CLDN15: variants seen among roughly 807,000 people sequenced by gnomAD.
The protein encoded by CLDN15 is claudin 15.
Under a neutral mutation model 24.5 loss-of-function variants are expected in CLDN15, and 9 were observed. The observed-to-expected ratio is 0.37, with a 90% CI of 0.22 to 0.64. The LOEUF (loss-of-function observed/expected upper bound fraction) is 0.64, where lower values mean the gene tolerates loss of function less well. Among genes scored for constraint, CLDN15 ranks in the 30% least tolerant of loss-of-function variants. The pLI is 0.63. For missense variants in CLDN15, 248 were observed against 305.9 expected (o/e 0.81, Z 1.41); for synonymous variants, 149 against 131.4 (o/e 1.13, Z -0.92).
At chr7:101,232,538 G>C (rs1276139567) in intron 4 of CLDN15, 23 bp from the exon 5 acceptor site, 2 of 1,601,572 alleles carry the variant, frequency 1.2e-6, no homozygotes, top group East Asian at 2.2e-5. Context: ...CCCGGGGTCA[G>C]AGCGGGGGCG....
intron 1 of CLDN15, chr7:101,236,710 G>T (rs1308096495): frequency 7.8e-7 from 1 of 1,288,686 alleles, no homozygotes; most frequent in Non-Finnish European, 1.0e-6. Flanking sequence ...AGCCCTCTAA[G>T]ACCCCAGAAA....
At position 101,232,329 on chromosome 7, in the gene CLDN15, TTAC is replaced by T; in HGVS notation, c.*78_*80del. 1.0e-6 allele frequency: 1 copy of T among 996,290 alleles called. No homozygotes were observed. The highest frequency in any genetic ancestry group is 1.5e-5 in the South Asian group (1 of 66,146). The allele number at this position is 996,290 out of a possible 1,614,324, so 61.7% of individuals were successfully genotyped here. The stretch of plus-strand genomic sequence containing the variant: ...AGCGGGGCGTGGCCGGCCCCTGAGG[TTAC>T]TATAGGGGAATGGGCCCCGGCCAGG... On this transcript the variant is annotated 3_prime_UTR_variant, in exon 5 of 5. Transcript: ENST00000308344.
chr7:101,234,055 TG>T, intron 2 of CLDN15: 1 of 697,400 alleles, frequency 1.4e-6, no homozygotes, highest in South Asian at 1.5e-5. Flanking sequence ...CACCTGGCCG[TG>T]GCCAGCCCCT....
intron 1 of CLDN15, chr7:101,236,616 G>T: frequency 1.7e-6 from 1 of 595,652 alleles, no homozygotes. Context: ...CAATGGGGCG[G>T]CCTCATCTTA....
rs573622479 is a variant in CLDN15 at position 101,234,534 on chromosome 7, C to T, written c.218-92G>A. 9.1e-5 allele frequency: 80 copies of T among 883,040 alleles called. 1 individual carries two copies. The African/African-American group carries it at 1.1e-3, about 12-fold the overall frequency. The allele number at this position is 883,040 out of a possible 1,614,324, so 54.7% of individuals were successfully genotyped here. On this transcript the variant is annotated intron_variant, in intron 1 of 4. Transcript: ENST00000308344. ...CTCACCATCCCAGGTTCAAGTGATT[C>T]TCCTGCCTCAGCCTCCCCAGTAGCT...
At chr7:101,237,921 G>T (rs908618737), upstream of CLDN15, 58 of 347,468 alleles carry the variant, frequency 1.7e-4, no homozygotes, top group South Asian at 1.0e-3. This position sits in a 1 kb window ranked among gnomAD's most constrained non-coding sequence, Gnocchi z 4.0. Context: ...CCACGAGGGT[G>T]GGGGGGGCAG....
intron 2 of CLDN15, 121 bp from the exon 3 acceptor site, chr7:101,233,035 C>T (rs1250562393): frequency 1.5e-6 from 1 of 689,508 alleles, no homozygotes; most frequent in Non-Finnish European, 2.6e-6. Context: ...CCCAGAGCAG[C>T]AATTTCACTC....
chr7:101,235,814 C>T (rs1316411707), intron 1 of CLDN15, among the ~76,000 whole-genome samples: 1 of 152,064 alleles, frequency 6.6e-6, no homozygotes, highest in African/African-American at 2.4e-5. Context: ...ATGGAAGAGC[C>T]CAGGGGCACA....
intron 1 of CLDN15, chr7:101,236,836 G>T: frequency 7.8e-7 from 1 of 1,289,930 alleles, no homozygotes; most frequent in South Asian, 1.2e-5. Context: ...GACATCAGCC[G>T]GACAAGGAGA....
chr7:101,237,329 C>A lies in CLDN15; in HGVS notation c.217+36G>T, dbSNP rs369358660. On this transcript the variant is annotated intron_variant, in intron 1 of 4. Transcript: ENST00000308344. The surrounding 1 kb of genome is among the most constrained non-coding windows in gnomAD (Gnocchi z 4.0). Reference sequence around the variant, plus strand: ...CCCTGGGGTCTCTGCAGCTTCCCCGCCGCCCTCTCTCCCTGGAGCGCTCCC... The same window carrying A: ...CCCTGGGGTCTCTGCAGCTTCCCCGACGCCCTCTCTCCCTGGAGCGCTCCC... 1.3e-4 allele frequency: 184 copies of A among 1,386,154 alleles called. No homozygotes were observed. Among genetic ancestry groups the A allele is most frequent in the Non-Finnish European group, 1.8e-4 (178 of 991,646 alleles). 85.9% of individuals were successfully genotyped at this position (1,386,154 alleles called of 1,614,324 possible).
rs183019023 is a variant in CLDN15, at chr7:101,233,320, G to T, written c.383-406C>A. ...AGCTGGGCCATGGGAGTCCAGGGTCGTCCTTTCCTGAAGCCAGGCAGACCC... is the reference window on the plus strand; with the variant it reads ...AGCTGGGCCATGGGAGTCCAGGGTCTTCCTTTCCTGAAGCCAGGCAGACCC... On this transcript the variant is annotated intron_variant, in intron 2 of 4. Coordinates refer to ENST00000308344, the MANE Select transcript of CLDN15 (RefSeq NM_014343.3). Among the ~76,000 whole-genome samples the T allele has an allele frequency of 7.8e-4, 119 of 152,066 alleles. 1 individual carries two copies. Among genetic ancestry groups the T allele is most frequent in the Non-Finnish European group, 1.3e-3 (90 of 67,986 alleles).
chr7:101,234,213 A>G, intron 2 of CLDN15, 65 bp downstream of exon 2: 3 of 1,271,844 alleles, frequency 2.4e-6, no homozygotes, highest in Non-Finnish European at 3.4e-6. Flanking sequence ...AGATTAGATG[A>G]GGACAAAGCA....
In CLDN15 at chr7:101,237,555, G is replaced by A; in HGVS notation, c.27C>T (p.Gly9=). The A allele has an allele frequency of 2.5e-6, 4 of 1,614,028 alleles. No individual in the cohort carries two copies. Among genetic ancestry groups the A allele is most frequent in the East Asian group, 2.2e-5 (1 of 44,894 alleles). MSMAVETF[G]FFMATVGLLM... is the part of the protein sequence containing the mutation. ...GCAGCCCCACAGTTGCCATGAAGAA[G>A]CCAAAGGTTTCCACAGCCATCGACA... is the stretch of plus-strand genomic sequence containing the variant. The change falls in exon 1 of 5, where the codon GGC becomes GGT. Residue 9 remains glycine (G), a synonymous_variant. Transcript: ENST00000308344. The surrounding 1 kb of genome is among the most constrained non-coding windows in gnomAD (Gnocchi z 4.0).
intron 2 of CLDN15, chr7:101,234,055 T>C (rs1199883155): frequency 1.4e-6 from 1 of 697,282 alleles, no homozygotes. Context: ...CACCTGGCCG[T>C]GGCCAGCCCC....
rs900505567 is a variant in CLDN15 at position 101,237,168 on chromosome 7, C to T, written c.217+197G>A. Among the ~76,000 whole-genome samples the T allele has an allele frequency of 6.6e-5, 10 of 151,724 alleles. No homozygotes were observed. Among genetic ancestry groups the T allele is most frequent in the African/African-American group, 1.7e-4 (7 of 41,010 alleles). Reference sequence around the variant, plus strand: ...GTAACAGCTAAAAGCGCCACACTAGCGCAGGGGGCCACGTGTGGCAAGGTC... The same window carrying T: ...GTAACAGCTAAAAGCGCCACACTAGTGCAGGGGGCCACGTGTGGCAAGGTC... On this transcript the variant is annotated intron_variant, in intron 1 of 4. Coordinates refer to ENST00000308344, the MANE Select transcript of CLDN15 (RefSeq NM_014343.3). The surrounding 1 kb of genome is among the most constrained non-coding windows in gnomAD (Gnocchi z 4.0).
At chr7:101,234,505 G>A in intron 1 of CLDN15, 63 bp from the exon 2 acceptor site, 2 of 1,193,042 alleles carry the variant, frequency 1.7e-6, no homozygotes, top group Admixed American at 1.8e-5. Flanking sequence ...CAGCCCAACA[G>A]CCCCTCACCA....
Position 101,237,038 on chromosome 7 carries a change from A to C in CLDN15, c.217+327T>G, listed in dbSNP as rs949123843. Among the ~76,000 whole-genome samples, 3 of 152,142 alleles carry C rather than the reference A, an allele frequency of 2.0e-5. No homozygotes were observed. Among genetic ancestry groups the C allele is most frequent in the African/African-American group, 7.2e-5 (3 of 41,432 alleles). The stretch of plus-strand genomic sequence containing the variant: ...TCTGCACTTTCTCAGTCACCTGTGA[A>C]CTGGGACTCTCACCCTAACCCTACA... On this transcript the variant is annotated intron_variant, in intron 1 of 4. Coordinates refer to ENST00000308344, the MANE Select transcript of CLDN15 (RefSeq NM_014343.3). The surrounding 1 kb of genome is among the most constrained non-coding windows in gnomAD (Gnocchi z 4.0).
chr7:101,236,260 T>TG (rs1033212629), intron 1 of CLDN15, among the ~76,000 whole-genome samples: 3,038 of 144,890 alleles, frequency 0.021, 38 homozygotes, highest in Non-Finnish European at 0.028. Context: ...GGGTTTTTTT[T>TG]GGGGGGGGGG....
At chr7:101,235,625 A>G (rs1300049064) in intron 1 of CLDN15, among the ~76,000 whole-genome samples, 3 of 152,096 alleles carry the variant, frequency 2.0e-5, no homozygotes, top group Admixed American at 6.6e-5. Context: ...CGGGTGGGGC[A>G]TAACTGTTGG....
Sources: allele counts gnomAD v4.1 joint callset (sites outside exome capture counted in the v4.1 genomes callset), GRCh38; gene constraint gnomAD v4.1.1; non-coding constraint Gnocchi (gnomAD v3.1); transcripts MANE v1.5; gene names NCBI Gene and HGNC (gene_info 2026-07-23, HGNC 2026-07-21).